The following GSE1 variants were observed in gnomAD, a reference collection of about 807,000 sequenced individuals.
GSE1 encodes the protein genetic suppressor element 1.
A neutral mutation model predicts 112.6 loss-of-function variants in GSE1; 32 were observed. The observed-to-expected ratio is 0.28, with a 90% confidence interval of 0.21 to 0.38. The LOEUF (loss-of-function observed/expected upper bound fraction) is 0.38, where lower values mean the gene tolerates loss of function less well. GSE1 is among the 10% of genes least tolerant of loss of function. The pLI is 1.00. For synonymous variants in GSE1, 1,115 were observed against 735.6 expected (o/e 1.52, Z -8.35); for missense variants, 2,348 against 1,699.2 (o/e 1.38, Z -6.71).
At chr16:85,383,010 A>G (rs1025368810) in intron 2 of GSE1, among the ~76,000 whole-genome samples, 1 of 151,620 alleles carries the variant, frequency 6.6e-6, no homozygotes, top group Non-Finnish European at 1.5e-5. Context: ...ACACATGCAC[A>G]CACGGTTGCA....
Position 85,265,190 on chromosome 16 carries a change from G to A in GSE1, c.2284-92273G>A, listed in dbSNP as rs142536827. ...TAAGGGCAAACAAGTAGCAGAATTA[G>A]AATGAGGGCCTGCGGGTAAAGGCCT... On this transcript the variant is annotated intron_variant, in intron 1 of 2. Transcript: ENST00000637419. 5.8e-3 allele frequency among the ~76,000 whole-genome samples: 877 copies of A among 152,352 alleles called. 7 individuals carry two copies. The highest frequency in any genetic ancestry group is 9.0e-3 in the Non-Finnish European group (610 of 68,034).
chr16:85,357,434 C>G, intron 1 of GSE1: 1 of 1,183,004 alleles, frequency 8.5e-7, no homozygotes, highest in South Asian at 1.6e-5. Context: ...ATGGCCCAGG[C>G]TCACTGTGTC....
intron 2 of GSE1, among the ~76,000 whole-genome samples, chr16:85,421,548 A>G (rs1364716430): frequency 1.3e-5 from 2 of 152,202 alleles, no homozygotes; most frequent in African/African-American, 4.8e-5. Flanking sequence ...AATTCAACAA[A>G]CAGCTGCACA....
chr16:85,443,074 A>T (rs2049419602), intron 2 of GSE1, among the ~76,000 whole-genome samples: 1 of 152,206 alleles, frequency 6.6e-6, no homozygotes, highest in African/African-American at 2.4e-5. Flanking sequence ...GCATGGTCTC[A>T]TCTGAGATCT....
intron 1 of GSE1, among the ~76,000 whole-genome samples, chr16:85,584,961 G>C (rs922510331): frequency 5.9e-5 from 9 of 152,140 alleles, no homozygotes; most frequent in Non-Finnish European, 1.0e-4. Context: ...GGCCCGGGTT[G>C]TCACGGTAAT....
intron 2 of GSE1, among the ~76,000 whole-genome samples, chr16:85,486,304 C>T (rs546436494): frequency 1.4e-4 from 11 of 79,624 alleles, no homozygotes; most frequent in Admixed American, 4.3e-4. Flanking sequence ...CTCACACACA[C>T]GTACGCACAC....
At chr16:85,574,211 T>G (rs1033685079) in intron 1 of GSE1, among the ~76,000 whole-genome samples, 1 of 152,166 alleles carries the variant, frequency 6.6e-6, no homozygotes, top group East Asian at 1.9e-4. Context: ...GCCGTGGAAG[T>G]TGTAAACTGG....
At chr16:85,392,393 T>G (rs1016397905) in intron 2 of GSE1, among the ~76,000 whole-genome samples, 4 of 152,200 alleles carry the variant, frequency 2.6e-5, no homozygotes, top group Non-Finnish European at 4.4e-5. Context: ...CTTATGCTCT[T>G]AAAACATCCA....
In GSE1 at chr16:85,656,442, C is replaced by T. The variant is rs192558712; in HGVS notation, c.1089C>T (p.Arg363=). The T allele has an allele frequency of 3.1e-5, 49 of 1,556,694 alleles. No individual in the cohort carries two copies. Among genetic ancestry groups the T allele is most frequent in the South Asian group, 2.4e-4 (21 of 86,506 alleles). Residue 363 remains arginine, a synonymous_variant, in exon 7 of 16, where the codon CGC becomes CGT. Transcript: ENST00000253458. ...GCGAGCGGGAGAAGGAACGTGAGCG[C>T]GAACGCGAGAAGGAGCGCGAGCAAG... ...ADREREKERE[R]EREKEREQEK...
At chr16:85,605,509 G>A (rs976472746) in intron 1 of GSE1, among the ~76,000 whole-genome samples, 2 of 152,108 alleles carry the variant, frequency 1.3e-5, no homozygotes, top group African/African-American at 4.8e-5. Flanking sequence ...CACTGGGCAT[G>A]GCTCTCTCTA....
intron 1 of GSE1, among the ~76,000 whole-genome samples, chr16:85,295,207 C>T (rs953660682): frequency 4.6e-5 from 7 of 152,222 alleles, no homozygotes; most frequent in African/African-American, 7.2e-5. Context: ...CCAGGGCCTC[C>T]GCACACACCG....
At position 85,657,193 on chromosome 16, in the gene GSE1, T is replaced by C. The variant is rs1445651643; in HGVS notation, c.1313-84T>C. On this transcript the variant is annotated intron_variant, in intron 7 of 15. Transcript: ENST00000253458. ...CCCTTTGGAAGGGCTCTGGTTTCTC[T>C]GGGCAGTTGGGTGAGAGAGGACGGG... 4 of 951,000 alleles carry C rather than the reference T, an allele frequency of 4.2e-6. No homozygotes were observed. In the East Asian group the frequency reaches 1.1e-4, roughly 25 times the overall value. The allele number at this position is 951,000 out of a possible 1,614,324, so 58.9% of individuals were successfully genotyped here.
At chr16:85,650,429 G>T (rs545455038) in intron 3 of GSE1, among the ~76,000 whole-genome samples, 1 of 152,284 alleles carries the variant, frequency 6.6e-6, no homozygotes, top group African/African-American at 2.4e-5. Context: ...TGGACCAGGA[G>T]CTTCTACCAG....
intron 1 of GSE1, among the ~76,000 whole-genome samples, chr16:85,613,893 C>G (rs1246238852): frequency 4.0e-5 from 6 of 149,862 alleles, no homozygotes; most frequent in African/African-American, 1.2e-4. Context: ...GGGGCCGCGC[C>G]GGTTAGGGTT....
intron 2 of GSE1, among the ~76,000 whole-genome samples, chr16:85,544,344 T>C (rs906356826): frequency 3.9e-5 from 6 of 152,114 alleles, no homozygotes; most frequent in African/African-American, 1.4e-4. Flanking sequence ...TTCTACTGAA[T>C]ACCCCATGCT....
At chr16:85,407,806 G>T (rs1224849630) in intron 2 of GSE1, among the ~76,000 whole-genome samples, 2 of 9,000 alleles carry the variant, frequency 2.2e-4, no homozygotes, top group Non-Finnish European at 4.7e-4. Flanking sequence ...AGGGCCCCCC[G>T]GATAATCCTC....
intron 1 of GSE1, among the ~76,000 whole-genome samples, chr16:85,255,103 G>A (rs1403149668): frequency 3.3e-5 from 5 of 152,244 alleles, no homozygotes; most frequent in Non-Finnish European, 5.9e-5. Context: ...GGCGGCGGTC[G>A]CTGTTGCCAG....
At chr16:85,381,271 G>T (rs913184182) in intron 2 of GSE1, among the ~76,000 whole-genome samples, 1 of 152,160 alleles carries the variant, frequency 6.6e-6, no homozygotes, top group East Asian at 1.9e-4. Context: ...TCCACGTTGC[G>T]GCCCGAATCC....
At position 85,657,271 on chromosome 16, in the gene GSE1, C is replaced by CA; in HGVS notation, c.1313-6_1313-5insA. ...AGATCCTGCTTGACCGTGTTTCCCC[C>CA]CACAGAGAAGCTGAAGGATGCCGGC... On this transcript the variant is annotated splice_polypyrimidine_tract_variant and splice_region_variant and intron_variant, in intron 7 of 15. Transcript: ENST00000253458. The CA allele has an allele frequency of 6.5e-7, 1 of 1,531,930 alleles. No individual in the cohort carries two copies. Among genetic ancestry groups the CA allele is most frequent in the Non-Finnish European group, 8.8e-7 (1 of 1,137,472 alleles). The allele number at this position is 1,531,930 out of a possible 1,614,324, so 94.9% of individuals were successfully genotyped here. A position where few individuals can be genotyped will look rare whatever the true frequency, so the allele number is the denominator to read the frequency against.
Sources: gnomAD v4.1 joint callset for allele counts (sites outside exome capture counted in the v4.1 genomes callset) on GRCh38, gnomAD v4.1.1 for gene constraint, MANE v1.5 for transcripts, NCBI Gene and HGNC (gene_info 2026-07-23, HGNC 2026-07-21) for gene names.